Variants in NECTIN3 observed in about 807,000 individuals in gnomAD.
NECTIN3 encodes nectin cell adhesion molecule 3.
NECTIN3 carries 8 observed loss-of-function variants against 49.4 expected under a neutral mutation model. That is an observed-to-expected ratio of 0.16 (90% confidence interval 0.10 to 0.29). The LOEUF is 0.29. NECTIN3 is among the 10% of genes least tolerant of loss of function. NECTIN3 has a pLI of 1.00. For missense variants in NECTIN3, 581 were observed against 654.6 expected (o/e 0.89, Z 1.23); for synonymous variants, 277 against 241.1 (o/e 1.15, Z -1.38).
chr3:111,173,462 C>G (rs912856114), intron 7 of NECTIN3, among the ~76,000 whole-genome samples: 6 of 152,204 alleles, frequency 3.9e-5, no homozygotes, highest in African/African-American at 1.4e-4. Context: ...CCCTGAACCT[C>G]ACAATTGGTT....
chr3:111,126,942 G>A (rs2034185100), intron 5 of NECTIN3, among the ~76,000 whole-genome samples: 1 of 152,090 alleles, frequency 6.6e-6, no homozygotes, highest in Admixed American at 6.5e-5. Flanking sequence ...TAATTTGGCT[G>A]AGTATAAATT....
intron 7 of NECTIN3, among the ~76,000 whole-genome samples, chr3:111,186,185 G>GA (rs2035715980): frequency 6.6e-6 from 1 of 151,768 alleles, no homozygotes; most frequent in African/African-American, 2.4e-5. Context: ...AATTGGGAAG[G>GA]AATTAGAATT....
chr3:111,144,850 G>C, intron 5 of NECTIN3: 1 of 1,491,810 alleles, frequency 6.7e-7, no homozygotes, highest in Non-Finnish European at 9.0e-7. Context: ...GCAATTTCAA[G>C]AATTATTTTT....
chr3:111,125,272 G>T (rs1346737892), intron 4 of NECTIN3, among the ~76,000 whole-genome samples: 1 of 151,640 alleles, frequency 6.6e-6, no homozygotes, highest in African/African-American at 2.4e-5. Context: ...CAAGTGATGT[G>T]CCCGCCTCGG....
chr3:111,192,762 A>C (rs2035835950), intron 1 of NECTIN3, among the ~76,000 whole-genome samples: 1 of 152,026 alleles, frequency 6.6e-6, no homozygotes, highest in South Asian at 2.1e-4. Flanking sequence ...ATGCCAGTTC[A>C]TTTTGCTGTG....
Position 111,145,819 on chromosome 3 carries a change from C to G in NECTIN3, c.1139+782C>G, listed in dbSNP as rs1292346853. 3.3e-5 allele frequency among the ~76,000 whole-genome samples: 5 copies of G among 152,176 alleles called. No individual in the cohort carries two copies. The South Asian group carries it at 8.3e-4, about 25-fold the overall frequency. On this transcript the variant is annotated intron_variant, in intron 6 of 8. Coordinates refer to the NECTIN3 transcript ENST00000493615. ...TATGTTGGGACATAAGGTTGACTTT[C>G]AAAGAATATAGTTCTGTCTTCATAA...
In NECTIN3 at chr3:111,081,694, A is replaced by G. The variant is rs143092825; in HGVS notation, c.160+9517A>G. 1.1e-4 allele frequency among the ~76,000 whole-genome samples: 16 copies of G among 152,332 alleles called. 1 individual carries two copies. Among genetic ancestry groups the G allele is most frequent in the Admixed American group, 2.0e-4 (3 of 15,308 alleles). On this transcript the variant is annotated intron_variant, in intron 1 of 5. Transcript: ENST00000485303. Reference sequence around the variant, plus strand: ...GAAGACTTAGAGGAGCTAATTTTCTAGCTGAATCTTGAAGGAATAGCTTAG... The same window carrying G: ...GAAGACTTAGAGGAGCTAATTTTCTGGCTGAATCTTGAAGGAATAGCTTAG...
chr3:111,133,980 A>T lies in NECTIN3; in HGVS notation c.1415A>T (p.Lys472Ile), dbSNP rs756266550. The T allele has an allele frequency of 1.2e-6, 2 of 1,613,296 alleles. No homozygotes were observed. Among genetic ancestry groups the T allele is most frequent in the Non-Finnish European group, 1.7e-6 (2 of 1,179,704 alleles). The change falls in exon 6 of 6, where the codon AAA becomes ATA. Residue 472 changes from lysine to isoleucine, a missense_variant. Transcript: ENST00000485303. ...ELDSYPDSVK[K>I]ENKNPVNNLI... ...GATTCTTACCCAGACAGTGTAAAAA[A>T]AGAAAACAAAAATCCAGTGAACAAT...
At chr3:111,102,154 G>A (rs904008297) in intron 1 of NECTIN3, among the ~76,000 whole-genome samples, 17 of 152,190 alleles carry the variant, frequency 1.1e-4, no homozygotes, top group African/African-American at 3.4e-4. Flanking sequence ...AGCAAGGGTT[G>A]GGATGTGGAG....
intron 1 of NECTIN3, among the ~76,000 whole-genome samples, chr3:111,101,900 G>A (rs2032925840): frequency 6.6e-6 from 1 of 151,530 alleles, no homozygotes; most frequent in African/African-American, 2.4e-5. Flanking sequence ...TTGTACTTAT[G>A]TATTTTGGCT....
chr3:111,115,844 T>C (rs1294861951), intron 2 of NECTIN3, among the ~76,000 whole-genome samples: 1 of 152,210 alleles, frequency 6.6e-6, no homozygotes, highest in African/African-American at 2.4e-5. Flanking sequence ...TTGTAACTGA[T>C]TGGATATAAG....
intron 2 of NECTIN3, among the ~76,000 whole-genome samples, chr3:111,116,924 G>A (rs1057132909): frequency 1.3e-5 from 2 of 151,982 alleles, no homozygotes; most frequent in African/African-American, 2.4e-5. Flanking sequence ...TGGTACTGTG[G>A]AAAGGTTTTT....
rs772246599 is a variant in NECTIN3 at position 111,126,225 on chromosome 3, A to G, written c.959A>G (p.Asn320Ser). The change falls in exon 5 of 6, where the codon AAT (asparagine) becomes AGT (serine). Residue 320 changes from asparagine to serine, a missense_variant. By Grantham distance (46) the Asn-to-Ser change is conservative. This residue lies in a region of NECTIN3 where 234 missense variants were observed against 340.6 expected (regional missense o/e 0.69). Coordinates refer to ENST00000485303, the MANE Select transcript of NECTIN3 (RefSeq NM_015480.3). ...CCTGATGGTTTATTGGCTTCAGACAATACTCTTCATTTTGTCCATCCATTG... is the reference window on the plus strand; with the variant it reads ...CCTGATGGTTTATTGGCTTCAGACAGTACTCTTCATTTTGTCCATCCATTG... ...QWPDGLLASDNTLHFVHPLTF... is the reference protein window; with the variant it reads ...QWPDGLLASDSTLHFVHPLTF... 17 of 1,608,998 alleles carry G rather than the reference A, an allele frequency of 1.1e-5. No individual in the cohort carries two copies. The highest frequency in any genetic ancestry group is 2.2e-5 in the East Asian group (1 of 44,640).
chr3:111,099,140 A>T (rs1209382556), intron 1 of NECTIN3, among the ~76,000 whole-genome samples: 1 of 152,118 alleles, frequency 6.6e-6, no homozygotes, highest in African/African-American at 2.4e-5. Context: ...ATCCATCATA[A>T]ATGCTACTGA....
At chr3:111,186,446 A>G (rs1444492023) in intron 7 of NECTIN3, among the ~76,000 whole-genome samples, 1 of 152,170 alleles carries the variant, frequency 6.6e-6, no homozygotes, top group Non-Finnish European at 1.5e-5. Flanking sequence ...TCAACAAAAA[A>G]CAAGCAATGA....
chr3:111,143,378 G>A (rs2034796952), intron 5 of NECTIN3, among the ~76,000 whole-genome samples: 1 of 151,716 alleles, frequency 6.6e-6, no homozygotes, highest in East Asian at 1.9e-4. Context: ...GGACTTACTG[G>A]TTGTAAGATT....
At position 111,136,204 on chromosome 3, in the gene NECTIN3, C is replaced by G; in HGVS notation, c.*1989C>G. Reference sequence around the variant, plus strand: ...GTTTGAAATACTGTATGGATCTGAACAGAATAATCACATTTAGGATTCTAT... The same window carrying G: ...GTTTGAAATACTGTATGGATCTGAAGAGAATAATCACATTTAGGATTCTAT... On this transcript the variant is annotated 3_prime_UTR_variant, in exon 6 of 6. Transcript: ENST00000485303. 1.0e-6 allele frequency: 1 copy of G among 965,674 alleles called. No homozygotes were observed. The highest frequency in any genetic ancestry group is 1.2e-6 in the Non-Finnish European group (1 of 812,384). 59.8% of individuals were successfully genotyped at this position (965,674 alleles called of 1,614,324 possible).
intron 1 of NECTIN3, among the ~76,000 whole-genome samples, chr3:111,098,641 C>T (rs1419962156): frequency 6.6e-6 from 1 of 152,182 alleles, no homozygotes; most frequent in Non-Finnish European, 1.5e-5. Flanking sequence ...TTAATTACAT[C>T]TTCAGAGACT....
chr3:111,073,739 T>G (rs2030972772), intron 1 of NECTIN3, among the ~76,000 whole-genome samples: 2 of 152,120 alleles, frequency 1.3e-5, no homozygotes, highest in African/African-American at 4.8e-5. Context: ...GAGAGAATAT[T>G]TATACCTCCA....
Sources: gnomAD v4.1 joint callset for allele counts (sites outside exome capture counted in the v4.1 genomes callset) on GRCh38, gnomAD v4.1.1 for gene constraint, gnomAD v4.1.1 regional missense constraint, MANE v1.5 for transcripts, NCBI Gene and HGNC (gene_info 2026-07-23, HGNC 2026-07-21) for gene names.